CLK2: variants seen among roughly 807,000 people sequenced by gnomAD.
The protein encoded by CLK2 is CDC like kinase 2.
A neutral mutation model predicts 73.5 loss-of-function variants in CLK2; 12 were observed. The observed-to-expected ratio is 0.16, with a 90% CI of 0.10 to 0.26. The LOEUF (loss-of-function observed/expected upper bound fraction) is 0.26, where lower values mean the gene tolerates loss of function less well. CLK2 is among the 10% of genes least tolerant of loss of function. CLK2 has a pLI of 1.00. For missense variants in CLK2, 509 were observed against 688.4 expected (o/e 0.74, Z 2.92); for synonymous variants, 232 against 237.9 (o/e 0.98, Z 0.23).
At chr1:155,267,851 C>CT (rs1239310406) in intron 6 of CLK2, among the ~76,000 whole-genome samples, 159 bp downstream of exon 6, 1 of 151,894 alleles carries the variant, frequency 6.6e-6, no homozygotes, top group Non-Finnish European at 1.5e-5. Flanking sequence ...GGCCCCCCCC[C>CT]TTTCCTACCC....
intron 6 of CLK2, 40 bp downstream of exon 6, chr1:155,267,970 G>C (rs771211070): frequency 3.6e-6 from 5 of 1,401,844 alleles, no homozygotes; most frequent in Non-Finnish European, 5.1e-6. Context: ...TGTAGGGGTT[G>C]GGGCTCTCAG....
chr1:155,266,948 A>G, intron 6 of CLK2, 53 bp from the exon 7 acceptor site: 1 of 1,588,088 alleles, frequency 6.3e-7, no homozygotes. Context: ...CCATCTGCCC[A>G]TCAGCCATCC....
intron 7 of CLK2, among the ~76,000 whole-genome samples, 176 bp downstream of exon 7, chr1:155,266,553 C>T (rs540179298): frequency 6.6e-6 from 1 of 152,286 alleles, no homozygotes; most frequent in East Asian, 1.9e-4. Flanking sequence ...CAATCAGTGA[C>T]GATAAAGACA....
At position 155,269,542 on chromosome 1, in the gene CLK2, C is replaced by G; in HGVS notation, c.345G>C (p.Arg115=). ...NSSYRSQRSS[R]RKHRRRRRRS... is the part of the protein sequence containing the mutation. ...GCCTCCTCCGCCGTCTGTGCTTCCTCCGGCTGCTGCGCTGGCTGCGGTAAC... is the reference window on the plus strand; with the variant it reads ...GCCTCCTCCGCCGTCTGTGCTTCCTGCGGCTGCTGCGCTGGCTGCGGTAAC... The change falls in exon 3 of 13, where the codon CGG becomes CGC. Residue 115 remains arginine (R), a synonymous_variant. Coordinates refer to ENST00000368361, the MANE Select transcript of CLK2 (RefSeq NM_001294338.2). The G allele has an allele frequency of 6.2e-7, 1 of 1,614,126 alleles. No homozygotes were observed. The highest frequency in any genetic ancestry group is 1.1e-5 in the South Asian group (1 of 91,078).
At chr1:155,266,625 AACAG>A in intron 7 of CLK2, 100 bp downstream of exon 7, 1 of 1,239,406 alleles carries the variant, frequency 8.1e-7, no homozygotes. Context: ...AACTGCAGAT[AACAG>A]ACAGCTGACT....
chr1:155,272,308 G>A (rs930372199), intron 1 of CLK2, among the ~76,000 whole-genome samples: 5 of 152,172 alleles, frequency 3.3e-5, no homozygotes, highest in South Asian at 2.1e-4. Context: ...GAGCCACCGC[G>A]CCTGGCCAGT....
chr1:155,266,016 G>T, intron 7 of CLK2, 62 bp from the exon 8 acceptor site: 2 of 1,155,496 alleles, frequency 1.7e-6, no homozygotes, highest in South Asian at 2.4e-5. Context: ...GGTATCAGCT[G>T]ACCCCAGGCC....
intron 1 of CLK2, among the ~76,000 whole-genome samples, chr1:155,271,376 C>G (rs946652112): frequency 1.3e-5 from 2 of 152,226 alleles, no homozygotes; most frequent in African/African-American, 2.4e-5. Context: ...CAGGCACGCA[C>G]CACCACTCCT....
intron 1 of CLK2, among the ~76,000 whole-genome samples, chr1:155,271,286 C>G (rs1175172623): frequency 1.3e-5 from 2 of 152,128 alleles, no homozygotes; most frequent in Non-Finnish European, 2.9e-5. Flanking sequence ...AGTGCAGTGG[C>G]ACAATCTCGG....
chr1:155,264,890 C>A, intron 8 of CLK2, 116 bp from the exon 9 acceptor site: 1 of 1,305,312 alleles, frequency 7.7e-7, no homozygotes, highest in Non-Finnish European at 1.1e-6. Flanking sequence ...CCTGGCCTTA[C>A]AAGCCCTGGG....
intron 3 of CLK2, chr1:155,269,087 C>T (rs910727220): frequency 1.7e-5 from 10 of 584,938 alleles, no homozygotes; most frequent in South Asian, 1.2e-4. Context: ...ATGCTCTACA[C>T]AATGCCCTTC....
At chr1:155,266,960 A>C in intron 6 of CLK2, 65 bp from the exon 7 acceptor site, 1 of 1,551,378 alleles carries the variant, frequency 6.4e-7, no homozygotes, top group Non-Finnish European at 8.8e-7. Flanking sequence ...CAGCCATCCA[A>C]CAAGGAGGTA....
chr1:155,266,587 G>T (rs953134733), intron 7 of CLK2, 142 bp downstream of exon 7: 2 of 854,934 alleles, frequency 2.3e-6, no homozygotes, highest in Admixed American at 6.9e-5. Context: ...TAAGTCAGAA[G>T]ACGTTTCAAG....
At chr1:155,264,119 G>A (rs1673117582) in intron 11 of CLK2, 79 bp from the exon 12 acceptor site, 2 of 1,545,716 alleles carry the variant, frequency 1.3e-6, no homozygotes, top group Admixed American at 1.7e-5. Context: ...GAAAGTAACT[G>A]GGGGGAGAGG....
intron 12 of CLK2, 168 bp from the exon 13 acceptor site, chr1:155,263,568 C>A (rs970480708): frequency 3.0e-6 from 3 of 985,330 alleles, no homozygotes; most frequent in Non-Finnish European, 3.6e-6. Flanking sequence ...TATAGCTCAA[C>A]CTACCTTCCC....
At chr1:155,269,851 G>A in intron 2 of CLK2, 135 bp from the exon 3 acceptor site, 1 of 779,242 alleles carries the variant, frequency 1.3e-6, no homozygotes, top group Non-Finnish European at 2.1e-6. Context: ...TTGAGTCACT[G>A]AGAGGACCAA....
At chr1:155,266,105 T>C (rs2148135140) in intron 7 of CLK2, 151 bp from the exon 8 acceptor site, 1 of 645,636 alleles carries the variant, frequency 1.5e-6, no homozygotes, top group East Asian at 2.7e-5. Context: ...CTAAATGGAA[T>C]GCCTGGTCTA....
At position 155,268,510 on chromosome 1, in the gene CLK2, G is replaced by T; in HGVS notation, c.488-151C>A. The T allele has an allele frequency of 2.6e-6, 2 of 772,348 alleles. No individual in the cohort carries two copies. The highest frequency in any genetic ancestry group is 4.4e-6 in the Non-Finnish European group (2 of 451,876). 47.8% of individuals were successfully genotyped at this position (772,348 alleles called of 1,614,324 possible). ...TCACAGGGGAAGAAAACCCCTGCGT[G>T]ATTCCCACCACCTTTAACCCAGGGG... On this transcript the variant is annotated intron_variant, in intron 4 of 12. Transcript: ENST00000368361. This position sits in a 1 kb window ranked among gnomAD's most constrained non-coding sequence, Gnocchi z 5.6.
In CLK2 at chr1:155,264,531, A is replaced by C. The variant is rs1285222971; in HGVS notation, c.1083T>G (p.Pro361=). 1.9e-6 allele frequency: 3 copies of C among 1,614,134 alleles called. No individual in the cohort carries two copies. The African/African-American group carries it at 4.0e-5, about 22-fold the overall frequency. The change falls in exon 10 of 13, where the codon CCT becomes CCG. Residue 361 remains proline (P), a synonymous_variant. Transcript: ENST00000368361. ...EVILELGWSQ[P]CDVWSIGCII... ...TGCAGCCTATACTCCACACATCACA[A>C]GGCTGTGACCAGCCCAACTCTGGGT... is the stretch of plus-strand genomic sequence containing the variant.
Sources: allele counts gnomAD v4.1 joint callset (sites outside exome capture counted in the v4.1 genomes callset), GRCh38; gene constraint gnomAD v4.1.1; non-coding constraint Gnocchi (gnomAD v3.1); transcripts MANE v1.5; gene names NCBI Gene and HGNC (gene_info 2026-07-23, HGNC 2026-07-21).